Variants in SNTN observed in about 807,000 individuals in gnomAD.
SNTN encodes the protein sentan.
Under a neutral mutation model 12.3 loss-of-function variants are expected in SNTN, and 13 were observed. The observed-to-expected ratio is 1.05, with a 90% CI of 0.69 to 1.67. The LOEUF is 1.67. SNTN is among the 40% of genes most tolerant of loss of function. SNTN has a pLI of 0.00. For synonymous variants in SNTN, 69 were observed against 58.5 expected, an observed-to-expected ratio of 1.18 and a Z score of -0.82; for missense variants, 189 against 169.8, an observed-to-expected ratio of 1.11 and a Z score of -0.63.
intron 2 of SNTN, among the ~76,000 whole-genome samples, chr3:63,655,783 A>C (rs1160684704): frequency 6.6e-6 from 1 of 152,202 alleles, no homozygotes; most frequent in Non-Finnish European, 1.5e-5. Flanking sequence ...AGTGGGAAGT[A>C]ATTCTAAATG....
rs753497219 is a variant in SNTN at position 63,659,808 on chromosome 3, C to T, written c.229C>T (p.Leu77Phe). 5.6e-6 allele frequency: 9 copies of T among 1,613,994 alleles called. No individual in the cohort carries two copies. In the East Asian group the frequency reaches 1.6e-4, roughly 28 times the overall value. The change falls in exon 3 of 4, where the codon CTT becomes TTT. Residue 77 changes from leucine to phenylalanine, a missense_variant. By Grantham distance (22) the Leu-to-Phe change is conservative. Transcript: ENST00000343837. ...AAATTCTTCTGACTCTGATGGTAAA[C>T]TTGAAAAAGCTATTGCCAAAGATCT... ...FRNSSDSDGK[L>F]EKAIAKDLLQ...
At chr3:63,660,259 C>A (rs1700729212) in intron 3 of SNTN, among the ~76,000 whole-genome samples, 1 of 151,976 alleles carries the variant, frequency 6.6e-6, no homozygotes, top group Admixed American at 6.6e-5. Context: ...AAGCAGAGAT[C>A]TGGAGGGCCA....
At chr3:63,656,371 A>G (rs536170220) in intron 2 of SNTN, among the ~76,000 whole-genome samples, 287 of 152,282 alleles carry the variant, frequency 1.9e-3, no homozygotes, top group Non-Finnish European at 3.3e-3. Flanking sequence ...CACAAAGAAT[A>G]TATAGTCCAA....
At chr3:63,653,512 A>C (rs1559559643) in intron 1 of SNTN, among the ~76,000 whole-genome samples, 1 of 152,132 alleles carries the variant, frequency 6.6e-6, no homozygotes, top group African/African-American at 2.4e-5. Context: ...AAGTGAAAAA[A>C]ATGAGGAACC....
chr3:63,663,424 A>G (rs1700764323), intron 3 of SNTN, among the ~76,000 whole-genome samples: 1 of 152,194 alleles, frequency 6.6e-6, no homozygotes, highest in Admixed American at 6.5e-5. Flanking sequence ...TATTATTGTT[A>G]ATAACATGTT....
intron 3 of SNTN, among the ~76,000 whole-genome samples, chr3:63,661,719 T>A (rs1700745509): frequency 1.3e-5 from 2 of 151,918 alleles, no homozygotes; most frequent in Non-Finnish European, 2.9e-5. Context: ...TATCAAGAGA[T>A]AACAAGTTTT....
intron 3 of SNTN, among the ~76,000 whole-genome samples, chr3:63,660,256 G>T (rs1033322304): frequency 9.2e-5 from 14 of 152,108 alleles, no homozygotes. Flanking sequence ...TCCAAGCAGA[G>T]ATCTGGAGGG....
intron 3 of SNTN, chr3:63,663,698 TCC>T: frequency 1.6e-6 from 1 of 632,356 alleles, no homozygotes; most frequent in South Asian, 1.6e-5. Context: ...ATACACCAGC[TCC>T]CCTTCACCTT....
At chr3:63,658,844 CATTTTGTTCTT>C (rs1244002888) in intron 2 of SNTN, among the ~76,000 whole-genome samples, 2 of 152,154 alleles carry the variant, frequency 1.3e-5, no homozygotes, top group Non-Finnish European at 1.5e-5. Flanking sequence ...AAAGCTGGGA[CATTTTGTTCTT>C]ATTTTCTTCA....
At chr3:63,654,205 A>G (rs1203004743) in intron 1 of SNTN, among the ~76,000 whole-genome samples, 2 of 152,060 alleles carry the variant, frequency 1.3e-5, no homozygotes, top group African/African-American at 4.8e-5. Flanking sequence ...TGCATCCCAC[A>G]CCTCAGCATA....
Position 63,654,813 on chromosome 3 carries a change from G to A in SNTN, c.145+17G>A, listed in dbSNP as rs764073768. 60 of 1,610,510 alleles carry A rather than the reference G, an allele frequency of 3.7e-5. No individual in the cohort carries two copies. Among genetic ancestry groups the A allele is most frequent in the Middle Eastern group, 1.7e-4 (1 of 6,058 alleles). On this transcript the variant is annotated intron_variant, in intron 2 of 3. Transcript: ENST00000343837. ...CAGTGAAAGGTAAGGCACAGATGACGCAGATGTACATTTTTCTCCTCTACC... is the reference window on the plus strand; with the variant it reads ...CAGTGAAAGGTAAGGCACAGATGACACAGATGTACATTTTTCTCCTCTACC...
At chr3:63,654,119 G>C (rs565465199) in intron 1 of SNTN, among the ~76,000 whole-genome samples, 1 of 151,984 alleles carries the variant, frequency 6.6e-6, no homozygotes, top group Non-Finnish European at 1.5e-5. Context: ...ACTTTTTATC[G>C]AGTTACCTGC....
chr3:63,656,684 A>G (rs1228574716), intron 2 of SNTN, among the ~76,000 whole-genome samples: 2 of 152,210 alleles, frequency 1.3e-5, no homozygotes, highest in African/African-American at 4.8e-5. Context: ...GGGGTACAGC[A>G]CTGATGTAGA....
intron 3 of SNTN, among the ~76,000 whole-genome samples, chr3:63,663,496 A>G (rs544584794): frequency 4.5e-4 from 68 of 152,288 alleles, no homozygotes; most frequent in African/African-American, 1.5e-3. Context: ...TTTGATCTCC[A>G]ATGTTGGAGG....
chr3:63,664,043 C>T lies in SNTN; in HGVS notation c.392C>T (p.Thr131Ile). 6.2e-7 allele frequency: 1 copy of T among 1,613,716 alleles called. No individual in the cohort carries two copies. Among genetic ancestry groups the T allele is most frequent in the Non-Finnish European group, 8.5e-7 (1 of 1,179,878 alleles). Reference sequence around the variant, plus strand: ...TTCATGATCTTGCTCTTAAGCATCACTGTCATGTCAGATCTGCTACAAAAT... The same window carrying T: ...TTCATGATCTTGCTCTTAAGCATCATTGTCATGTCAGATCTGCTACAAAAT... Reference protein sequence around the residue: ...EDFMILLLSITVMSDLLQNIR... With the variant: ...EDFMILLLSIIVMSDLLQNIR... The change falls in exon 4 of 4, where the codon ACT becomes ATT. Residue 131 changes from threonine (T) to isoleucine (I), a missense_variant. By Grantham distance (89) the Thr-to-Ile change is moderately conservative. Transcript: ENST00000343837.
At chr3:63,662,738 A>T (rs556204143) in intron 3 of SNTN, among the ~76,000 whole-genome samples, 11 of 152,326 alleles carry the variant, frequency 7.2e-5, no homozygotes, top group Admixed American at 4.6e-4. Context: ...ATGTAGCATC[A>T]TTCCCAAAGT....
At position 63,654,808 on chromosome 3, in the gene SNTN, A is replaced by G. The variant is rs759908066; in HGVS notation, c.145+12A>G. 2.9e-5 allele frequency: 47 copies of G among 1,611,590 alleles called. No individual in the cohort carries two copies. Among genetic ancestry groups the G allele is most frequent in the Non-Finnish European group, 3.6e-5 (43 of 1,178,728 alleles). On this transcript the variant is annotated intron_variant, in intron 2 of 3. Coordinates refer to ENST00000343837, the MANE Select transcript of SNTN (RefSeq NM_001080537.2). ...GGCTTCAGTGAAAGGTAAGGCACAG[A>G]TGACGCAGATGTACATTTTTCTCCT...
intron 2 of SNTN, 151 bp downstream of exon 2, chr3:63,654,947 G>A: frequency 1.4e-6 from 1 of 727,996 alleles, no homozygotes; most frequent in Non-Finnish European, 2.3e-6. Context: ...TCTTTTTAAA[G>A]ATGTGGGAAC....
chr3:63,652,704 A>G lies in SNTN; in HGVS notation c.17A>G (p.His6Arg). The change falls in exon 1 of 4, where the codon CAC (histidine) becomes CGC (arginine). Residue 6 changes from histidine to arginine, a missense_variant. Transcript: ENST00000343837. ...GATGAGAGAATGGGTGGCTGTATGC[A>G]CAGTACCCAGGACAAATCTCTCCAC... MGGCM[H>R]STQDKSLHLE... 1 of 1,613,934 alleles carries G rather than the reference A, an allele frequency of 6.2e-7. No homozygotes were observed. The highest frequency in any genetic ancestry group is 8.5e-7 in the Non-Finnish European group (1 of 1,179,914).
Sources: gnomAD v4.1 joint callset for allele counts (sites outside exome capture counted in the v4.1 genomes callset) on GRCh38, gnomAD v4.1.1 for gene constraint, MANE v1.5 for transcripts, NCBI Gene and HGNC (gene_info 2026-07-23, HGNC 2026-07-21) for gene names.